The following PPP4R1 variants were observed in gnomAD, a reference collection of about 807,000 sequenced individuals.
PPP4R1 encodes the protein serine/threonine-protein phosphatase 4 regulatory subunit 1.
PPP4R1 carries 42 observed loss-of-function variants against 111.2 expected under a neutral mutation model. The observed-to-expected ratio is 0.38, with a 90% CI of 0.29 to 0.49. The LOEUF (loss-of-function observed/expected upper bound fraction) is 0.49. PPP4R1 is among the 20% of genes least tolerant of loss of function. The probability of loss-of-function intolerance (pLI) is 0.97; values close to 1 mark genes in which losing one functional copy is unlikely to be tolerated. For synonymous variants in PPP4R1, 409 were observed against 405.5 expected, an observed-to-expected ratio of 1.01 and a Z score of -0.10; for missense variants, 1,012 against 1,161.6, an observed-to-expected ratio of 0.87 and a Z score of 1.87.
At position 9,614,245 on chromosome 18, in the gene PPP4R1, C is replaced by T. The variant is rs1313579834; in HGVS notation, c.33G>A (p.Leu11=). 2.5e-5 allele frequency: 34 copies of T among 1,361,698 alleles called. No homozygotes were observed. Among genetic ancestry groups the T allele is most frequent in the Non-Finnish European group, 3.3e-5 (34 of 1,044,316 alleles). The allele number at this position is 1,361,698 out of a possible 1,614,324, so 84.4% of individuals were successfully genotyped here. The change falls in exon 2 of 20, where the codon CTG becomes CTA. Residue 11 remains leucine, a synonymous_variant. Coordinates refer to ENST00000400556, the MANE Select transcript of PPP4R1 (RefSeq NM_001042388.3). The surrounding 1 kb of genome is among the most constrained non-coding windows in gnomAD (Gnocchi z 4.1). Reference sequence around the variant, plus strand: ...ACTCACATCCGTCTGCGTCCTCCTGCAGGTCCTCCTGAAGCAGCGAGAGGT... The same window carrying T: ...ACTCACATCCGTCTGCGTCCTCCTGTAGGTCCTCCTGAAGCAGCGAGAGGT... The part of the protein sequence containing the change: MADLSLLQED[L]QEDADGFGVD...
At position 9,550,075 on chromosome 18, in the gene PPP4R1, G is replaced by C. The variant is rs917829448; in HGVS notation, c.2524C>G (p.Gln842Glu). ...ACCTGGCAGACAAAGACAAAGGCTT[G>C]CCGACCAGACCACTTGGGACATCTG... ...FGRCPKWSGR[Q>E]AFVFVCQTVI... Residue 842 changes from glutamine to glutamate, a missense_variant, in exon 18 of 20, where the codon CAA (glutamine) becomes GAA (glutamate). Physicochemically the swap from Gln to Glu is conservative, Grantham distance 29. Transcript: ENST00000400556. 6.2e-7 allele frequency: 1 copy of C among 1,614,210 alleles called. No individual in the cohort carries two copies. Among genetic ancestry groups the C allele is most frequent in the Non-Finnish European group, 8.5e-7 (1 of 1,180,032 alleles).
intron 9 of PPP4R1, among the ~76,000 whole-genome samples, chr18:9,577,860 T>A (rs1400877725): frequency 6.6e-6 from 1 of 152,072 alleles, no homozygotes; most frequent in Non-Finnish European, 1.5e-5. Context: ...ACAAAGAACA[T>A]AAAAATCAAT....
intron 5 of PPP4R1, 83 bp from the exon 6 acceptor site, chr18:9,588,318 C>T (rs2067154792): frequency 2.8e-6 from 4 of 1,438,154 alleles, no homozygotes; most frequent in Non-Finnish European, 3.8e-6. Flanking sequence ...ACAAAGATTT[C>T]TCATCTCAAA....
intron 6 of PPP4R1, among the ~76,000 whole-genome samples, chr18:9,587,165 T>C (rs938006833): frequency 1.9e-4 from 29 of 152,200 alleles, no homozygotes; most frequent in Non-Finnish European, 5.9e-5. Flanking sequence ...TTCAAGTGTT[T>C]CTTCGTTCAG....
intron 9 of PPP4R1, among the ~76,000 whole-genome samples, chr18:9,582,849 T>A (rs1325260368): frequency 6.6e-6 from 1 of 152,288 alleles, no homozygotes; most frequent in African/African-American, 2.4e-5. Context: ...ATTCCAAAGA[T>A]GCAAGTGGTT....
chr18:9,601,744 T>C (rs1222725605), intron 2 of PPP4R1, among the ~76,000 whole-genome samples: 1 of 152,030 alleles, frequency 6.6e-6, no homozygotes, highest in Non-Finnish European at 1.5e-5. Flanking sequence ...CCGCCCGCCC[T>C]GGCCTCCCAA....
chr18:9,594,078 C>G, intron 3 of PPP4R1: 1 of 460,938 alleles, frequency 2.2e-6, no homozygotes, highest in South Asian at 2.6e-5. Flanking sequence ...CAGGCATGCA[C>G]CACCACACCT....
chr18:9,549,419 T>C, intron 18 of PPP4R1, 81 bp from the exon 19 acceptor site: 2 of 1,511,160 alleles, frequency 1.3e-6, no homozygotes, highest in Non-Finnish European at 1.8e-6. Flanking sequence ...AATCTCTGAG[T>C]GACCACAGGT....
At position 9,550,071 on chromosome 18, in the gene PPP4R1, G is replaced by C. The variant is rs1471357348; in HGVS notation, c.2528C>G (p.Ala843Gly). The change falls in exon 18 of 20, where the codon GCC (alanine) becomes GGC (glycine). Residue 843 changes from alanine to glycine, a missense_variant. This residue lies in a region of PPP4R1 where 305 missense variants were observed against 419.5 expected (regional missense o/e 0.73). Transcript: ENST00000400556. ...GCTTACCTGGCAGACAAAGACAAAG[G>C]CTTGCCGACCAGACCACTTGGGACA... ...GRCPKWSGRQ[A>G]FVFVCQTVIE... 8 of 1,614,186 alleles carry C rather than the reference G, an allele frequency of 5.0e-6. 1 individual carries two copies. In the South Asian group the frequency reaches 8.8e-5, roughly 18 times the overall value.
At chr18:9,585,529 T>C (rs1162832415) in intron 6 of PPP4R1, among the ~76,000 whole-genome samples, 3 of 152,172 alleles carry the variant, frequency 2.0e-5, no homozygotes, top group African/African-American at 7.2e-5. Context: ...ATCAATTGTA[T>C]CAATTGCTAG....
At chr18:9,606,867 T>C (rs1568129801) in intron 2 of PPP4R1, among the ~76,000 whole-genome samples, 1 of 152,072 alleles carries the variant, frequency 6.6e-6, no homozygotes, top group Non-Finnish European at 1.5e-5. Flanking sequence ...TATAGATATT[T>C]GTTCCCTTCA....
At chr18:9,605,862 A>G (rs1370583319) in intron 2 of PPP4R1, among the ~76,000 whole-genome samples, 2 of 152,164 alleles carry the variant, frequency 1.3e-5, no homozygotes, top group African/African-American at 4.8e-5. Context: ...TGTTCTTAGG[A>G]GACACAGGCT....
chr18:9,568,292 T>C (rs1304503346), intron 11 of PPP4R1, among the ~76,000 whole-genome samples: 1 of 152,196 alleles, frequency 6.6e-6, no homozygotes, highest in Non-Finnish European at 1.5e-5. Context: ...CCCAGGTAGC[T>C]GAGATTACAG....
chr18:9,581,093 G>A (rs1305972487), intron 9 of PPP4R1, among the ~76,000 whole-genome samples: 3 of 151,938 alleles, frequency 2.0e-5, no homozygotes, highest in African/African-American at 7.3e-5. Flanking sequence ...CCCCATGGGG[G>A]AGCGAGGACA....
rs1433393208 is a variant in PPP4R1 at position 9,547,514 on chromosome 18, C to G, written c.*275G>C. 1 of 305,440 alleles carries G rather than the reference C, an allele frequency of 3.3e-6. No homozygotes were observed. Among genetic ancestry groups the G allele is most frequent in the Non-Finnish European group, 6.1e-6 (1 of 163,200 alleles). The allele number at this position is 305,440 out of a possible 1,614,324, so 18.9% of individuals were successfully genotyped here. A position where few individuals can be genotyped will look rare whatever the true frequency, so the allele number is the denominator to read the frequency against. ...TCTGCCAATTCAAGTTTCATTCAGT[C>G]AGGAAGACAGAAGGATTTAAGGCTT... On this transcript the variant is annotated 3_prime_UTR_variant, in exon 20 of 20. Coordinates refer to ENST00000400556, the MANE Select transcript of PPP4R1 (RefSeq NM_001042388.3).
intron 2 of PPP4R1, among the ~76,000 whole-genome samples, chr18:9,598,032 G>T (rs2067318061): frequency 1.3e-5 from 2 of 152,098 alleles, no homozygotes; most frequent in Admixed American, 1.3e-4. Context: ...ATGAAAAAAA[G>T]ATATGAAAAA....
At chr18:9,570,035 T>C in intron 11 of PPP4R1, 122 bp downstream of exon 11, 1 of 1,050,386 alleles carries the variant, frequency 9.5e-7, no homozygotes, top group Admixed American at 3.3e-5. Context: ...TAGGTATGAG[T>C]CACTGTGCCC....
chr18:9,549,938 A>G (rs1376699406), intron 18 of PPP4R1, 114 bp downstream of exon 18: 1 of 1,450,592 alleles, frequency 6.9e-7, no homozygotes, highest in East Asian at 2.3e-5. Flanking sequence ...CCAGGCTACT[A>G]TAAGGTTCTG....
In PPP4R1 at chr18:9,547,051, T is replaced by C. The variant is rs2066412558; in HGVS notation, c.*738A>G. 1.3e-5 allele frequency: 2 copies of C among 152,668 alleles called. No individual in the cohort carries two copies. The highest frequency in any genetic ancestry group is 4.8e-5 in the African/African-American group (2 of 41,448). The allele number at this position is 152,668 out of a possible 1,614,324, so 9.5% of individuals were successfully genotyped here. A position where few individuals can be genotyped will look rare whatever the true frequency, so the allele number is the denominator to read the frequency against. ...TGAAGAAGTTGCACCTCAGAGCTGA[T>C]CATGATCAAGTTAAAAACACCAGAC... On this transcript the variant is annotated 3_prime_UTR_variant, in exon 20 of 20. Coordinates refer to ENST00000400556, the MANE Select transcript of PPP4R1 (RefSeq NM_001042388.3).
Sources: gnomAD v4.1 joint callset for allele counts (sites outside exome capture counted in the v4.1 genomes callset) on GRCh38, gnomAD v4.1.1 for gene constraint, gnomAD v4.1.1 regional missense constraint, Gnocchi (gnomAD v3.1) non-coding constraint, MANE v1.5 for transcripts, NCBI Gene and HGNC (gene_info 2026-07-23, HGNC 2026-07-21) for gene names.